ADH1A: variants seen among roughly 807,000 people sequenced by gnomAD.
ADH1A encodes the protein alcohol dehydrogenase 1A (class I), alpha polypeptide.
A neutral mutation model predicts 35.2 loss-of-function variants in ADH1A; 29 were observed. That is an observed-to-expected ratio of 0.82 (90% CI 0.61 to 1.12). ADH1A has a LOEUF of 1.12. Among genes scored for constraint, ADH1A ranks in the 50% most tolerant of loss-of-function variants. The probability of loss-of-function intolerance (pLI) is 0.00; values close to 1 mark genes in which losing one functional copy is unlikely to be tolerated. For missense variants in ADH1A, 469 were observed against 464.7 expected (o/e 1.01, Z -0.09); for synonymous variants, 147 against 164.8 (o/e 0.89, Z 0.83).
At chr4:99,283,838 G>T (rs1351405566) in intron 5 of ADH1A, among the ~76,000 whole-genome samples, 1 of 152,142 alleles carries the variant, frequency 6.6e-6, no homozygotes, top group South Asian at 2.1e-4. Flanking sequence ...AGTTTTAGCA[G>T]TGAAATGTCA....
chr4:99,281,334 A>G (rs1024525492), intron 6 of ADH1A: 1 of 152,208 alleles, frequency 6.6e-6, no homozygotes, highest in Non-Finnish European at 1.5e-5. Flanking sequence ...AAATATAGCT[A>G]GAGATGTGTT....
intron 1 of ADH1A, chr4:99,288,572 A>C (rs935973537): frequency 8.5e-5 from 13 of 152,198 alleles, no homozygotes; most frequent in African/African-American, 3.1e-4. Context: ...AGAGAGAATC[A>C]ACAAAATTGC....
intron 7 of ADH1A, 92 bp from the exon 8 acceptor site, chr4:99,279,656 G>C (rs1732948882): frequency 1.4e-6 from 2 of 1,471,374 alleles, no homozygotes; most frequent in East Asian, 4.6e-5. Context: ...GTTTAGAAAA[G>C]ATGCTGCTTC....
At chr4:99,281,105 A>T (rs1736092098) in intron 6 of ADH1A, 1 of 152,202 alleles carries the variant, frequency 6.6e-6, no homozygotes, top group African/African-American at 2.4e-5. Flanking sequence ...ACAGGAAAAG[A>T]ACATTAGGAG....
chr4:99,282,582 C>T lies in ADH1A; in HGVS notation c.592G>A (p.Val198Met). Residue 198 changes from valine to methionine, a missense_variant, in exon 6 of 9, where the codon GTG (valine) becomes ATG (methionine). Transcript: ENST00000209668. ...AKVTPGSTCA[V>M]FGLGGVGLSA... The stretch of plus-strand genomic sequence containing the variant: ...AGGCCGACCCCTCCCAGGCCAAACA[C>T]AGCACAGGTAGAGCCTGGGGTGACC... 1.2e-6 allele frequency: 2 copies of T among 1,614,214 alleles called. No individual in the cohort carries two copies. The highest frequency in any genetic ancestry group is 1.7e-6 in the Non-Finnish European group (2 of 1,180,032).
At chr4:99,279,301 C>T in intron 8 of ADH1A, 125 bp downstream of exon 8, 1 of 1,261,230 alleles carries the variant, frequency 7.9e-7, no homozygotes, top group Non-Finnish European at 1.1e-6. Flanking sequence ...CATGTAAAGA[C>T]TGAACTGGTA....
chr4:99,286,876 C>G lies in ADH1A; in HGVS notation c.233G>C (p.Gly78Ala). The G allele has an allele frequency of 6.2e-7, 1 of 1,614,176 alleles. No individual in the cohort carries two copies. Among genetic ancestry groups the G allele is most frequent in the Non-Finnish European group, 8.5e-7 (1 of 1,180,026 alleles). The change falls in exon 3 of 9, where the codon GGA becomes GCA. Residue 78 changes from glycine to alanine, a missense_variant. Gly to Ala is a moderately conservative substitution (Grantham distance 60). Coordinates refer to ENST00000209668, the MANE Select transcript of ADH1A (RefSeq NM_000667.4). ...TGGTTTGACTGTAGTCACCCCTTCT[C>G]CAACACTCTCCACGATGCCGGCTGC... ...HEAAGIVESV[G>A]EGVTTVKPGD...
chr4:99,277,731 A>T (rs1446032471), intron 8 of ADH1A, among the ~76,000 whole-genome samples: 3 of 152,036 alleles, frequency 2.0e-5, no homozygotes, highest in Non-Finnish European at 2.9e-5. Flanking sequence ...CAATAATGTC[A>T]TTTCTTTTTG....
intron 3 of ADH1A, among the ~76,000 whole-genome samples, chr4:99,285,657 A>G (rs1327108374): frequency 6.6e-6 from 1 of 152,154 alleles, no homozygotes; most frequent in Non-Finnish European, 1.5e-5. Flanking sequence ...AATTAGTAGG[A>G]GCTGAAACCC....
At chr4:99,284,333 A>G in intron 5 of ADH1A, 66 bp downstream of exon 5, 1 of 1,505,800 alleles carries the variant, frequency 6.6e-7, no homozygotes, top group South Asian at 1.1e-5. Flanking sequence ...CTTGTGAGAC[A>G]TTCCTTCCCT....
At chr4:99,282,212 G>A in intron 6 of ADH1A, 134 bp downstream of exon 6, 1 of 1,540,212 alleles carries the variant, frequency 6.5e-7, no homozygotes, top group Non-Finnish European at 9.0e-7. Context: ...AAACAAGCCA[G>A]GTAACAAACA....
At position 99,287,577 on chromosome 4, in the gene ADH1A, T is replaced by G. The variant is rs1733185549; in HGVS notation, c.107A>C (p.Glu36Ala). The G allele has an allele frequency of 2.5e-6, 4 of 1,613,286 alleles. No individual in the cohort carries two copies. The highest frequency in any genetic ancestry group is 3.4e-6 in the Non-Finnish European group (4 of 1,179,438). The change falls in exon 2 of 9, where the codon GAA (glutamate) becomes GCA (alanine). Residue 36 changes from glutamate to alanine, a missense_variant. Coordinates refer to ENST00000209668, the MANE Select transcript of ADH1A (RefSeq NM_000667.4). ...AATGTATTTCACCTTAATACGAACT[T>G]CATGGGCCTTAGGAGGTGCAACCTC... Reference protein sequence around the residue: ...EVEVAPPKAHEVRIKMVAVGI... With the variant: ...EVEVAPPKAHAVRIKMVAVGI...
At position 99,284,793 on chromosome 4, in the gene ADH1A, G is replaced by C. The variant is rs1300172184; in HGVS notation, c.270C>G (p.Val90=). ...GVTTVKPGDK[V]IPLAIPQCGK... Reference sequence around the variant, plus strand: ...CACACTGAGGAATAGCGAGTGGGATGACTTTATCACCTGGAGAGGGATAAA... The same window carrying C: ...CACACTGAGGAATAGCGAGTGGGATCACTTTATCACCTGGAGAGGGATAAA... Residue 90 remains valine, a synonymous_variant, in exon 4 of 9, where the codon GTC becomes GTG. Transcript: ENST00000209668. 1 of 1,613,916 alleles carries C rather than the reference G, an allele frequency of 6.2e-7. No homozygotes were observed.
chr4:99,282,640 A>T (rs751812354), intron 5 of ADH1A, 34 bp from the exon 6 acceptor site: 1 of 1,599,844 alleles, frequency 6.3e-7, no homozygotes, highest in African/African-American at 1.3e-5. Flanking sequence ...ATGGATTATA[A>T]AAACTTTATA....
rs762704748 is a variant in ADH1A, at chr4:99,282,392, C to T, written c.782G>A (p.Gly261Glu). Residue 261 changes from glycine to glutamate, a missense_variant, in exon 6 of 9, where the codon GGA becomes GAA. Coordinates refer to ENST00000209668, the MANE Select transcript of ADH1A (RefSeq NM_000667.4). ...GACTTCAAATGAAAAATCCACACCT[C>T]CATCAGTCATTTCCTTTAGCACCTC... ...IQEVLKEMTDGGVDFSFEVIG... is the reference protein window; with the variant it reads ...IQEVLKEMTDEGVDFSFEVIG... The T allele has an allele frequency of 3.1e-6, 5 of 1,614,162 alleles. No homozygotes were observed. Among genetic ancestry groups the T allele is most frequent in the South Asian group, 2.2e-5 (2 of 91,080 alleles).
intron 6 of ADH1A, chr4:99,281,345 T>G (rs1732995958): frequency 1.3e-5 from 2 of 152,226 alleles, no homozygotes; most frequent in South Asian, 4.1e-4. Flanking sequence ...GAGATGTGTT[T>G]CCCATTGCCT....
At chr4:99,285,544 TACTA>T (rs200284608) in intron 3 of ADH1A, among the ~76,000 whole-genome samples, 49 of 151,936 alleles carry the variant, frequency 3.2e-4, no homozygotes, top group African/African-American at 1.0e-3. Flanking sequence ...ATTAACTTAT[TACTA>T]ACTAATTAGT....
intron 1 of ADH1A, chr4:99,288,831 T>A (rs1733221773): frequency 6.6e-6 from 1 of 152,144 alleles, no homozygotes. Context: ...ATTTTTAATT[T>A]CAATAGTTTT....
At chr4:99,277,858 C>G (rs1286225647) in intron 8 of ADH1A, among the ~76,000 whole-genome samples, 2 of 151,924 alleles carry the variant, frequency 1.3e-5, no homozygotes, top group Non-Finnish European at 2.9e-5. Flanking sequence ...TGCTGAAACA[C>G]ATATGTGTGT....
Sources: allele counts gnomAD v4.1 joint callset (sites outside exome capture counted in the v4.1 genomes callset), GRCh38; gene constraint gnomAD v4.1.1; transcripts MANE v1.5; gene names NCBI Gene and HGNC (gene_info 2026-07-23, HGNC 2026-07-21).